SHISA9: variants seen among roughly 807,000 people sequenced by gnomAD.
SHISA9 encodes protein shisa-9.
A neutral mutation model predicts 38.0 loss-of-function variants in SHISA9; 13 were observed. The observed-to-expected ratio is 0.34, with a 90% CI of 0.22 to 0.54. The LOEUF is 0.54. Among genes scored for constraint, SHISA9 ranks in the 20% least tolerant of loss-of-function variants. The pLI is 0.91. For synonymous variants in SHISA9, 275 were observed against 242.0 expected (o/e 1.14, Z -1.27); for missense variants, 538 against 575.8 (o/e 0.93, Z 0.67).
the SHISA9 span, among the ~76,000 whole-genome samples, chr16:13,436,850 C>G: frequency 6.6e-6 from 1 of 152,128 alleles, no homozygotes; most frequent in Non-Finnish European, 1.5e-5. Flanking sequence ...TAAGATCAAC[C>G]AGAAGTAAAT....
chr16:13,355,964 G>A, the SHISA9 span, among the ~76,000 whole-genome samples: 6 of 152,302 alleles, frequency 3.9e-5, no homozygotes, highest in South Asian at 2.1e-4. Context: ...GAGATGGGAC[G>A]TGGCTTAGGA....
At position 13,009,086 on chromosome 16, in the gene SHISA9, G is replaced by A. The variant is rs537900800; in HGVS notation, c.691+92271G>A. ...GTTCTAGGCTCTGTTCTAAGAGAGA[G>A]AGTGTGTGTGTATTTTTTTTTTTTT... On this transcript the variant is annotated intron_variant, in intron 2 of 4. Transcript: ENST00000558583. 1.1e-4 allele frequency among the ~76,000 whole-genome samples: 17 copies of A among 148,390 alleles called. No homozygotes were observed. In the South Asian group the frequency reaches 2.7e-3, roughly 24 times the overall value.
the SHISA9 span, among the ~76,000 whole-genome samples, chr16:13,363,800 T>C: frequency 6.6e-6 from 1 of 152,166 alleles, no homozygotes; most frequent in African/African-American, 2.4e-5. Flanking sequence ...ATGATAGACG[T>C]GCACATTTTC....
intron 2 of SHISA9, among the ~76,000 whole-genome samples, chr16:13,134,863 A>G (rs1414372829): frequency 1.3e-5 from 2 of 152,184 alleles, no homozygotes; most frequent in East Asian, 1.9e-4. Context: ...TCAGGAATCT[A>G]TGCTGAAGGA....
chr16:13,015,247 T>G lies in SHISA9; in HGVS notation c.691+98432T>G, dbSNP rs565692920. Among the ~76,000 whole-genome samples, 10 of 152,240 alleles carry G rather than the reference T, an allele frequency of 6.6e-5. 1 individual carries two copies. In the South Asian group the frequency reaches 2.1e-3, roughly 32 times the overall value. On this transcript the variant is annotated intron_variant, in intron 2 of 4. Coordinates refer to ENST00000558583, the MANE Select transcript of SHISA9 (RefSeq NM_001145204.3). ...GTGCTGCAATGACATGGTTGAGTAG[T>G]TGGGATGGAGATTATATGGCCCCAC...
chr16:13,332,097 A>G, the SHISA9 span: 1 of 152,200 alleles, frequency 6.6e-6, no homozygotes, highest in South Asian at 2.1e-4. Context: ...TGACACAGGA[A>G]AAAAACACAA....
the SHISA9 span, among the ~76,000 whole-genome samples, chr16:13,250,553 T>C: frequency 6.6e-6 from 1 of 152,184 alleles, no homozygotes; most frequent in East Asian, 1.9e-4. Context: ...GTGATTTTTT[T>C]AGGACTCCTC....
At chr16:13,450,613 G>A in the SHISA9 span, among the ~76,000 whole-genome samples, 23 of 152,310 alleles carry the variant, frequency 1.5e-4, no homozygotes, top group Admixed American at 5.2e-4. Context: ...GATACACACT[G>A]TCTCCAACCA....
chr16:12,985,041 T>C (rs2072288783), intron 2 of SHISA9, among the ~76,000 whole-genome samples: 1 of 152,166 alleles, frequency 6.6e-6, no homozygotes, highest in Non-Finnish European at 1.5e-5. Context: ...CACTCCCTCA[T>C]TGGTTTATCC....
chr16:13,487,535 G>T, the SHISA9 span, among the ~76,000 whole-genome samples: 2 of 152,200 alleles, frequency 1.3e-5, no homozygotes, highest in Non-Finnish European at 2.9e-5. Flanking sequence ...TCACCAAGGG[G>T]ACGGCCCAAG....
chr16:12,944,827 C>G (rs1026234222), intron 2 of SHISA9, among the ~76,000 whole-genome samples: 7 of 152,054 alleles, frequency 4.6e-5, no homozygotes, highest in Non-Finnish European at 1.0e-4. Context: ...CAAGCAGATG[C>G]TGAGACAAGG....
intron 2 of SHISA9, among the ~76,000 whole-genome samples, chr16:13,084,866 G>A (rs1006707467): frequency 6.6e-6 from 1 of 152,162 alleles, no homozygotes; most frequent in South Asian, 2.1e-4. Flanking sequence ...CCAGGCAGAC[G>A]GAACAGCTTA....
At chr16:13,040,660 C>T (rs1266642996) in intron 2 of SHISA9, among the ~76,000 whole-genome samples, 1 of 152,144 alleles carries the variant, frequency 6.6e-6, no homozygotes, top group Non-Finnish European at 1.5e-5. Context: ...GTGTTTAGTG[C>T]AGTGCTTAAT....
chr16:13,480,997 A>G, the SHISA9 span, among the ~76,000 whole-genome samples: 1 of 152,210 alleles, frequency 6.6e-6, no homozygotes, highest in Non-Finnish European at 1.5e-5. Flanking sequence ...TTTTTCTATA[A>G]GCAATTAGGA....
the SHISA9 span, among the ~76,000 whole-genome samples, chr16:13,486,868 C>A: frequency 6.6e-6 from 1 of 152,208 alleles, no homozygotes; most frequent in Non-Finnish European, 1.5e-5. Context: ...CCGCACCCAG[C>A]TAATTTTGTA....
At chr16:13,190,510 G>T (rs935435864) in intron 2 of SHISA9, among the ~76,000 whole-genome samples, 2 of 152,266 alleles carry the variant, frequency 1.3e-5, no homozygotes, top group East Asian at 3.9e-4. Context: ...TGAAACTCTT[G>T]CAGAATACAG....
the SHISA9 span, among the ~76,000 whole-genome samples, chr16:13,327,910 C>T: frequency 1.4e-3 from 210 of 152,214 alleles, 1 homozygote; most frequent in African/African-American, 3.8e-3. Flanking sequence ...CCACCCACTT[C>T]GGCCTCCCAA....
the SHISA9 span, among the ~76,000 whole-genome samples, chr16:13,328,074 G>A: frequency 3.9e-5 from 6 of 152,272 alleles, no homozygotes; most frequent in South Asian, 2.1e-4. Flanking sequence ...TGCAAAGGGA[G>A]AGCAACTGCC....
chr16:13,317,998 GT>G, the SHISA9 span, among the ~76,000 whole-genome samples: 386 of 146,630 alleles, frequency 2.6e-3, no homozygotes, highest in African/African-American at 8.2e-3. Context: ...CAAATGCCTT[GT>G]TTTTTTTTTT....
Sources: allele counts gnomAD v4.1 joint callset (sites outside exome capture counted in the v4.1 genomes callset), GRCh38; gene constraint gnomAD v4.1.1; transcripts MANE v1.5; gene names NCBI Gene and HGNC (gene_info 2026-07-23, HGNC 2026-07-21).